Variants in C2orf76 observed in about 807,000 individuals in gnomAD.
C2orf76 encodes the protein UPF0538 protein C2orf76.
A neutral mutation model predicts 16.9 loss-of-function variants in C2orf76; 23 were observed. That is an observed-to-expected ratio of 1.36 (90% CI 0.98 to 1.93). The LOEUF (loss-of-function observed/expected upper bound fraction) is 1.93. C2orf76 is among the 30% of genes most tolerant of loss of function. The probability of loss-of-function intolerance (pLI) is 0.00; values close to 1 mark genes in which losing one functional copy is unlikely to be tolerated. For missense variants in C2orf76, 152 were observed against 152.6 expected (o/e 1.00, Z 0.02); for synonymous variants, 48 against 52.3 (o/e 0.92, Z 0.35).
At chr2:119,364,002 A>T (rs1267422654) in intron 1 of C2orf76, among the ~76,000 whole-genome samples, 1 of 151,458 alleles carries the variant, frequency 6.6e-6, no homozygotes, top group Non-Finnish European at 1.5e-5. Flanking sequence ...TGGGTAATGG[A>T]GTGAGACCCT....
At chr2:119,284,384 T>C in the C2orf76 span, among the ~76,000 whole-genome samples, 2 of 152,128 alleles carry the variant, frequency 1.3e-5, no homozygotes, top group Non-Finnish European at 2.9e-5. Context: ...AACCAAACTG[T>C]GTACAGTTGT....
chr2:119,366,996 C>T (rs563577135), upstream of C2orf76: 3 of 1,612,098 alleles, frequency 1.9e-6, no homozygotes, highest in East Asian at 2.2e-5. Context: ...TGGGCGATCG[C>T]TTCCTGGTCC....
At chr2:119,350,348 T>G (rs35097184) in intron 1 of C2orf76, among the ~76,000 whole-genome samples, 37 of 152,088 alleles carry the variant, frequency 2.4e-4, no homozygotes, top group Non-Finnish European at 2.8e-4. Flanking sequence ...TTTCAACACA[T>G]AAGACCCAGG....
At chr2:119,356,223 T>C (rs537878562) in intron 1 of C2orf76, among the ~76,000 whole-genome samples, 11 of 152,074 alleles carry the variant, frequency 7.2e-5, no homozygotes, top group African/African-American at 2.4e-4. Context: ...GCCAACATGA[T>C]GAAACCCCAA....
chr2:119,340,755 T>TACAC (rs60777590), intron 1 of C2orf76, among the ~76,000 whole-genome samples: 4,179 of 140,272 alleles, frequency 0.03, 82 homozygotes, highest in African/African-American at 0.059. Flanking sequence ...TGCTTTCTAA[T>TACAC]ACACACACAC....
chr2:119,311,383 TA>T, intron 5 of C2orf76: 1 of 985,458 alleles, frequency 1.0e-6, no homozygotes, highest in Non-Finnish European at 1.2e-6. Context: ...ATTCTGAGCA[TA>T]CCTTCTGAAA....
chr2:119,303,589 G>A (rs867092999), intron 5 of C2orf76, among the ~76,000 whole-genome samples: 15 of 152,232 alleles, frequency 9.9e-5, no homozygotes, highest in African/African-American at 2.2e-4. Context: ...ATTACCACTC[G>A]TCTCTTAGTT....
chr2:119,307,305 T>C (rs1469161203), intron 5 of C2orf76, among the ~76,000 whole-genome samples: 1 of 152,056 alleles, frequency 6.6e-6, no homozygotes, highest in Non-Finnish European at 1.5e-5. Context: ...CTGGGCGTGG[T>C]GGCACATGCC....
At chr2:119,357,796 C>T (rs938728836) in intron 1 of C2orf76, among the ~76,000 whole-genome samples, 1 of 151,740 alleles carries the variant, frequency 6.6e-6, no homozygotes, top group African/African-American at 2.4e-5. Context: ...TAAAACTGTC[C>T]CTATTTGCAG....
intron 3 of C2orf76, among the ~76,000 whole-genome samples, chr2:119,319,378 C>G (rs1308715486): frequency 6.6e-6 from 1 of 152,170 alleles, no homozygotes; most frequent in East Asian, 1.9e-4. Flanking sequence ...GTATTACTGT[C>G]CCTTTCTGTG....
intron 1 of C2orf76, among the ~76,000 whole-genome samples, chr2:119,365,463 G>C (rs1164257201): frequency 6.6e-6 from 1 of 152,120 alleles, no homozygotes. Context: ...CCCTAGATTT[G>C]TTCCCTATTG....
chr2:119,365,226 T>G (rs1680897806), intron 1 of C2orf76, among the ~76,000 whole-genome samples: 1 of 152,164 alleles, frequency 6.6e-6, no homozygotes, highest in Non-Finnish European at 1.5e-5. Context: ...TGACTGCAAA[T>G]CTGGCCCACA....
At chr2:119,309,927 T>TA (rs1558776579) in intron 5 of C2orf76, among the ~76,000 whole-genome samples, 1 of 152,216 alleles carries the variant, frequency 6.6e-6, no homozygotes, top group Non-Finnish European at 1.5e-5. Context: ...ACTTTCTTTT[T>TA]AAAAAATTTT....
chr2:119,304,598 T>C (rs895250072), intron 5 of C2orf76, among the ~76,000 whole-genome samples: 1 of 152,220 alleles, frequency 6.6e-6, no homozygotes, highest in African/African-American at 2.4e-5. Context: ...TTTCAGGAAA[T>C]CTAGGTAAAC....
intron 2 of C2orf76, among the ~76,000 whole-genome samples, chr2:119,337,061 T>A (rs897549480): frequency 9.0e-6 from 1 of 111,578 alleles, no homozygotes. Flanking sequence ...ATTTATTTAT[T>A]TATTTATTTT....
At chr2:119,289,871 G>A in the C2orf76 span, among the ~76,000 whole-genome samples, 1 of 151,932 alleles carries the variant, frequency 6.6e-6, no homozygotes, top group African/African-American at 2.4e-5. Context: ...AGCTAAGCCA[G>A]GAAGAGAGAC....
In C2orf76 at chr2:119,313,424, CA is replaced by C. The variant is rs925980047; in HGVS notation, c.223-1722del. 3.8e-4 allele frequency among the ~76,000 whole-genome samples: 54 copies of C among 142,150 alleles called. No individual in the cohort carries two copies. The East Asian group carries it at 4.9e-3, about 13-fold the overall frequency. 93.3% of individuals were successfully genotyped at this position (142,150 alleles called of 152,430 possible). A position where few individuals can be genotyped will look rare whatever the true frequency, so the allele number is the denominator to read the frequency against. On this transcript the variant is annotated intron_variant, in intron 4 of 5. Transcript: ENST00000334816. ...GCAAGATAGCAAGACCCGATCTCTA[CA>C]AAAAAAAAAAGTTTTATTTAATTAG...
At position 119,334,379 on chromosome 2, in the gene C2orf76, CAAAAAAA is replaced by C. The variant is rs34753333; in HGVS notation, c.133+5441_133+5447del. 7.0e-5 allele frequency among the ~76,000 whole-genome samples: 5 copies of C among 71,618 alleles called. No individual in the cohort carries two copies. The East Asian group carries it at 2.1e-3, about 30-fold the overall frequency. 47.0% of individuals were successfully genotyped at this position (71,618 alleles called of 152,430 possible). ...AGAGTGAACCTCAATGTATGCAAAG[CAAAAAAA>C]AAAAAAAAAAAAAAAAAAGGTCGGG... On this transcript the variant is annotated intron_variant, in intron 2 of 5. Transcript: ENST00000334816.
intron 3 of C2orf76, 50 bp from the exon 4 acceptor site, chr2:119,317,553 T>G: frequency 6.8e-7 from 1 of 1,476,836 alleles, no homozygotes; most frequent in Non-Finnish European, 9.3e-7. Context: ...TCTAAACTTC[T>G]TTTCAAATTA....
Sources: allele counts gnomAD v4.1 joint callset (sites outside exome capture counted in the v4.1 genomes callset), GRCh38; gene constraint gnomAD v4.1.1; transcripts MANE v1.5; gene names NCBI Gene and HGNC (gene_info 2026-07-23, HGNC 2026-07-21).